The following CATSPERB variants were observed in gnomAD, a reference collection of about 807,000 sequenced individuals.
CATSPERB encodes the protein cation channel sperm-associated auxiliary subunit beta.
In CATSPERB, 93 loss-of-function variants were observed where a neutral mutation model predicts 128.3. The ratio of observed to expected loss-of-function variants is 0.72; its 90% CI spans 0.61 to 0.86. The LOEUF (loss-of-function observed/expected upper bound fraction) is 0.86, where lower values mean the gene tolerates loss of function less well. Among genes scored for constraint, CATSPERB ranks in the 40% least tolerant of loss-of-function variants. The pLI is 0.00. For missense variants in CATSPERB, 1,153 were observed against 1,329.5 expected (o/e 0.87, Z 2.06); for synonymous variants, 381 against 448.8 (o/e 0.85, Z 1.91).
chr14:91,637,438 GC>G, intron 16 of CATSPERB, among the ~76,000 whole-genome samples: 1 of 152,278 alleles, frequency 6.6e-6, no homozygotes, highest in East Asian at 1.9e-4. Context: ...CACTGAAATG[GC>G]TAAACATCTT....
intron 14 of CATSPERB, among the ~76,000 whole-genome samples, chr14:91,664,257 G>GT (rs1894938511): frequency 7.7e-5 from 4 of 52,116 alleles, no homozygotes; most frequent in African/African-American, 2.4e-4. Flanking sequence ...CTTCTTCCAT[G>GT]TCTTTTTTTT....
chr14:91,651,264 G>A (rs1472900515), intron 15 of CATSPERB, among the ~76,000 whole-genome samples: 3 of 152,180 alleles, frequency 2.0e-5, no homozygotes, highest in Non-Finnish European at 4.4e-5. Flanking sequence ...TTTTGTGGTG[G>A]CTGTGAGCTT....
chr14:91,627,298 A>G (rs539237967), intron 17 of CATSPERB, among the ~76,000 whole-genome samples: 2 of 152,358 alleles, frequency 1.3e-5, no homozygotes, highest in East Asian at 1.9e-4. Context: ...TTCAAAAGAC[A>G]TATAAAGGAC....
At chr14:91,606,402 A>G (rs1315011736) in intron 22 of CATSPERB, among the ~76,000 whole-genome samples, 1 of 151,720 alleles carries the variant, frequency 6.6e-6, no homozygotes, top group Non-Finnish European at 1.5e-5. Context: ...GTCTCTACTA[A>G]AAATGCAAAC....
rs34784640 is a variant in CATSPERB at position 91,698,413 on chromosome 14, G to A, written c.617-4934C>T. On this transcript the variant is annotated intron_variant, in intron 7 of 26. Coordinates refer to ENST00000256343, the MANE Select transcript of CATSPERB (RefSeq NM_024764.4). ...TCCTGTTGCCTGATTGCTCTGGCTA[G>A]GACTTCCAGTACTGTGTTGAATAGA... Among the ~76,000 whole-genome samples the A allele has an allele frequency of 9.3e-3, 1,414 of 152,244 alleles. 22 individuals are homozygous for A. The highest frequency in any genetic ancestry group is 0.032 in the African/African-American group (1,322 of 41,548).
chr14:91,692,194 A>AAG (rs1895484477), intron 9 of CATSPERB, among the ~76,000 whole-genome samples: 1 of 150,002 alleles, frequency 6.7e-6, no homozygotes, highest in African/African-American at 2.4e-5. Context: ...AAAAAAAAAA[A>AAG]AAGAAGAAGT....
chr14:91,723,323 T>C (rs1896065548), intron 3 of CATSPERB, 134 bp from the exon 4 acceptor site: 1 of 529,104 alleles, frequency 1.9e-6, no homozygotes, highest in Non-Finnish European at 3.0e-6. Context: ...AAGTATACTT[T>C]CAGAACTCAG....
intron 15 of CATSPERB, 72 bp downstream of exon 15, chr14:91,659,765 G>C: frequency 7.1e-7 from 1 of 1,407,334 alleles, no homozygotes; most frequent in Non-Finnish European, 9.7e-7. Flanking sequence ...TGATTAATAC[G>C]GCAGGTTTTT....
intron 7 of CATSPERB, among the ~76,000 whole-genome samples, chr14:91,694,083 TC>T (rs1305848873): frequency 1.3e-5 from 2 of 151,474 alleles, no homozygotes; most frequent in Non-Finnish European, 2.9e-5. Context: ...CACTTGATCT[TC>T]ACTTCTATTT....
At chr14:91,615,263 A>G (rs1595147674) in intron 20 of CATSPERB, among the ~76,000 whole-genome samples, 1 of 152,264 alleles carries the variant, frequency 6.6e-6, no homozygotes, top group Middle Eastern at 3.4e-3. Flanking sequence ...CTCGACCCCT[A>G]TTGTGAACTG....
At chr14:91,701,462 T>C (rs955481208) in intron 7 of CATSPERB, among the ~76,000 whole-genome samples, 2 of 152,152 alleles carry the variant, frequency 1.3e-5, no homozygotes, top group Non-Finnish European at 2.9e-5. Flanking sequence ...AATTTGTTAA[T>C]GACAGGCCAC....
At chr14:91,672,661 G>A (rs759034576) in intron 13 of CATSPERB, among the ~76,000 whole-genome samples, 13 of 152,054 alleles carry the variant, frequency 8.5e-5, no homozygotes, top group Admixed American at 5.2e-4. Flanking sequence ...ACAGCATCAC[G>A]TTTTCCATTT....
At chr14:91,615,669 C>T (rs2139781812) in intron 20 of CATSPERB, among the ~76,000 whole-genome samples, 1 of 152,230 alleles carries the variant, frequency 6.6e-6, no homozygotes, top group South Asian at 2.1e-4. Context: ...TGTATATATT[C>T]CTGCACCATA....
chr14:91,654,967 AATACAGTCTCTTCCTGTAATACCTG>A (rs1894763236), intron 15 of CATSPERB, among the ~76,000 whole-genome samples: 1 of 78,916 alleles, frequency 1.3e-5, no homozygotes, highest in Non-Finnish European at 2.9e-5. Context: ...TCTTCCTGGT[AATACAGTCTCTTCCTGTAATACCTG>A]GTAATACAGT....
chr14:91,664,795 C>A lies in CATSPERB; in HGVS notation c.1288-4814G>T, dbSNP rs149403821. Reference sequence around the variant, plus strand: ...CTTTCTAAATTTTTGTTCAACTGTTCGTTCTGTTTCTTAGCTTCATTTCAG... The same window carrying A: ...CTTTCTAAATTTTTGTTCAACTGTTAGTTCTGTTTCTTAGCTTCATTTCAG... On this transcript the variant is annotated intron_variant, in intron 14 of 26. Transcript: ENST00000256343. 9.2e-3 allele frequency among the ~76,000 whole-genome samples: 1,399 copies of A among 152,224 alleles called. 16 individuals carry two copies. Among genetic ancestry groups the A allele is most frequent in the Middle Eastern group, 0.044 (13 of 294 alleles).
At chr14:91,622,165 A>AT (rs1298371653) in intron 18 of CATSPERB, among the ~76,000 whole-genome samples, 2 of 152,072 alleles carry the variant, frequency 1.3e-5, no homozygotes, top group Non-Finnish European at 2.9e-5. Context: ...ATTGTATAAA[A>AT]TTTTTGGCAG....
At chr14:91,633,989 T>C (rs893306388) in intron 17 of CATSPERB, among the ~76,000 whole-genome samples, 3 of 152,114 alleles carry the variant, frequency 2.0e-5, no homozygotes, top group African/African-American at 7.2e-5. Context: ...AAAAAAATTA[T>C]AGTTGACCCT....
chr14:91,625,104 ATAAC>A (rs1477735732), intron 17 of CATSPERB, 97 bp from the exon 18 acceptor site: 1 of 679,650 alleles, frequency 1.5e-6, no homozygotes, highest in Non-Finnish European at 2.3e-6. Flanking sequence ...TATACCACAA[ATAAC>A]TAACAAATAT....
intron 18 of CATSPERB, among the ~76,000 whole-genome samples, chr14:91,623,416 C>T (rs1036589340): frequency 6.6e-6 from 1 of 152,174 alleles, no homozygotes; most frequent in Non-Finnish European, 1.5e-5. Context: ...CTGGATTAGA[C>T]CTCAAGCCTC....
Sources: gnomAD v4.1 joint callset for allele counts (sites outside exome capture counted in the v4.1 genomes callset) on GRCh38, gnomAD v4.1.1 for gene constraint, MANE v1.5 for transcripts, NCBI Gene and HGNC (gene_info 2026-07-23, HGNC 2026-07-21) for gene names.